ADAMTSL1: variants seen among roughly 807,000 people sequenced by gnomAD.
ADAMTSL1 encodes the protein ADAMTS like 1, also known as ADAMTS-like protein 1.
ADAMTSL1 carries 126 observed loss-of-function variants against 201.8 expected under a neutral mutation model. The observed-to-expected ratio is 0.62, with a 90% confidence interval of 0.54 to 0.72. ADAMTSL1 has a LOEUF of 0.72. ADAMTSL1 is among the 30% of genes least tolerant of loss of function. The pLI is 0.00. For synonymous variants in ADAMTSL1, 1,121 were observed against 903.4 expected (o/e 1.24, Z -4.32); for missense variants, 2,679 against 2,277.8 (o/e 1.18, Z -3.59).
At chr9:17,927,565 A>T (rs555652710) in intron 1 of ADAMTSL1, among the ~76,000 whole-genome samples, 2 of 152,214 alleles carry the variant, frequency 1.3e-5, no homozygotes, top group South Asian at 4.1e-4. Context: ...CTTCAGATCA[A>T]AATATCTAAA....
intron 13 of ADAMTSL1, 145 bp downstream of exon 13, chr9:18,684,945 T>C: frequency 1.4e-6 from 2 of 1,401,378 alleles, no homozygotes; most frequent in Non-Finnish European, 1.9e-6. Context: ...TAAAGATTGA[T>C]TAGTTTCAAA....
intron 1 of ADAMTSL1, among the ~76,000 whole-genome samples, chr9:17,974,721 G>A (rs11792952): frequency 0.27 from 41,061 of 151,794 alleles, 5,863 homozygotes; most frequent in Middle Eastern, 0.33. Flanking sequence ...GCCGAGTAAT[G>A]TTTCATGATA....
At chr9:17,922,445 C>G (rs533415782) in intron 1 of ADAMTSL1, among the ~76,000 whole-genome samples, 1 of 152,186 alleles carries the variant, frequency 6.6e-6, no homozygotes, top group African/African-American at 2.4e-5. Context: ...ATTGCAGATT[C>G]CTGAGCCTCA....
chr9:17,946,291 G>C (rs1422319723), intron 1 of ADAMTSL1, among the ~76,000 whole-genome samples: 1 of 151,836 alleles, frequency 6.6e-6, no homozygotes, highest in Non-Finnish European at 1.5e-5. Flanking sequence ...GAACCATCAT[G>C]CCGAGCTGAC....
intron 13 of ADAMTSL1, among the ~76,000 whole-genome samples, chr9:18,686,391 A>C (rs1357311659): frequency 6.6e-6 from 1 of 152,228 alleles, no homozygotes; most frequent in African/African-American, 2.4e-5. Flanking sequence ...CCTTGGAATG[A>C]AAATATAAAG....
intron 3 of ADAMTSL1, among the ~76,000 whole-genome samples, chr9:18,543,208 C>T (rs1187718115): frequency 6.6e-6 from 1 of 152,176 alleles, no homozygotes; most frequent in Non-Finnish European, 1.5e-5. Context: ...AGGATGGTGA[C>T]TAAACTCATT....
At chr9:18,086,633 A>G (rs934882412) in intron 1 of ADAMTSL1, among the ~76,000 whole-genome samples, 5 of 152,228 alleles carry the variant, frequency 3.3e-5, no homozygotes, top group Admixed American at 3.3e-4. Flanking sequence ...ATACAACCAC[A>G]TATTAAATAC....
intron 2 of ADAMTSL1, among the ~76,000 whole-genome samples, chr9:18,306,287 C>T (rs1833905451): frequency 6.6e-6 from 1 of 152,136 alleles, no homozygotes; most frequent in African/African-American, 2.4e-5. Flanking sequence ...GCTTCTTCTC[C>T]TCCAAAGGAT....
rs938142311 is a variant in ADAMTSL1, at chr9:18,219,403, C to G, written c.207+55422C>G. 1.2e-4 allele frequency among the ~76,000 whole-genome samples: 18 copies of G among 151,406 alleles called. 1 individual carries two copies. Among genetic ancestry groups the G allele is most frequent in the Admixed American group, 9.2e-4 (14 of 15,190 alleles). ...TATTTATTTGAGACAGTGTGTTGCT[C>G]TGTCGCCCAGGCTGAAGTGCAGTGG... On this transcript the variant is annotated intron_variant, in intron 2 of 29. Coordinates refer to the ADAMTSL1 transcript ENST00000680146.
At chr9:18,482,720 A>G (rs1563987249) in intron 1 of ADAMTSL1, among the ~76,000 whole-genome samples, 3 of 152,196 alleles carry the variant, frequency 2.0e-5, no homozygotes, top group Admixed American at 2.0e-4. Context: ...CTCAGTCACC[A>G]TTTGAAGTCT....
At chr9:18,819,650 A>C (rs1824088649) in intron 21 of ADAMTSL1, among the ~76,000 whole-genome samples, 1 of 152,188 alleles carries the variant, frequency 6.6e-6, no homozygotes, top group African/African-American at 2.4e-5. Context: ...CTCACTTGAT[A>C]ACCTTATAGT....
At chr9:18,681,997 G>C in intron 12 of ADAMTSL1, 38 bp downstream of exon 12, 1 of 1,607,776 alleles carries the variant, frequency 6.2e-7, no homozygotes, top group Non-Finnish European at 8.5e-7. Flanking sequence ...CCTGTTAATT[G>C]TTGTGTGTAG....
chr9:18,276,674 C>A (rs937371769), intron 2 of ADAMTSL1, among the ~76,000 whole-genome samples: 5 of 152,080 alleles, frequency 3.3e-5, no homozygotes, highest in African/African-American at 9.7e-5. Context: ...GGGCAGAAGG[C>A]AAAGGGGGAG....
chr9:18,792,164 C>T (rs1018621863), intron 19 of ADAMTSL1, among the ~76,000 whole-genome samples: 1 of 152,162 alleles, frequency 6.6e-6, no homozygotes, highest in Non-Finnish European at 1.5e-5. Flanking sequence ...TCCTTCCTCA[C>T]AATTTCCTCA....
intron 23 of ADAMTSL1, among the ~76,000 whole-genome samples, chr9:18,839,023 C>T (rs1588204046): frequency 6.9e-6 from 1 of 144,366 alleles, no homozygotes; most frequent in East Asian, 2.0e-4. Context: ...GCACACTCTC[C>T]TTTTTTTTTT....
At chr9:18,018,576 A>G (rs1820353245) in intron 1 of ADAMTSL1, among the ~76,000 whole-genome samples, 1 of 152,072 alleles carries the variant, frequency 6.6e-6, no homozygotes, top group Non-Finnish European at 1.5e-5. Context: ...GGAGAAGCCA[A>G]CTGCAACTTA....
intron 14 of ADAMTSL1, among the ~76,000 whole-genome samples, chr9:18,709,723 C>G (rs893935754): frequency 3.3e-5 from 5 of 152,144 alleles, no homozygotes; most frequent in African/African-American, 1.2e-4. Context: ...TTTTAATTTC[C>G]CACATGTGAA....
rs145075647 is a variant in ADAMTSL1, at chr9:18,817,499, A to C, written c.3934+262A>C. ...TAATCTTAGCCTTCCATACAGATAG[A>C]ATGTGAACCTGCAAAGATGGGGGCA... is the stretch of plus-strand genomic sequence containing the variant. On this transcript the variant is annotated intron_variant, in intron 21 of 28. Coordinates refer to ENST00000380548, the MANE Select transcript of ADAMTSL1 (RefSeq NM_001040272.6). Among the ~76,000 whole-genome samples, 21 of 152,328 alleles carry C rather than the reference A, an allele frequency of 1.4e-4. No homozygotes were observed. In the East Asian group the frequency reaches 3.5e-3, roughly 25 times the overall value.
At chr9:18,749,193 C>A (rs376126404) in intron 15 of ADAMTSL1, among the ~76,000 whole-genome samples, 2 of 152,058 alleles carry the variant, frequency 1.3e-5, no homozygotes, top group Admixed American at 6.5e-5. Flanking sequence ...TCCAACATAC[C>A]TTTTTTTGGA....
Sources: gnomAD v4.1 joint callset for allele counts (sites outside exome capture counted in the v4.1 genomes callset) on GRCh38, gnomAD v4.1.1 for gene constraint, MANE v1.5 for transcripts, NCBI Gene and HGNC (gene_info 2026-07-23, HGNC 2026-07-21) for gene names.